ACVR1: variants seen among roughly 807,000 people sequenced by gnomAD.
The protein encoded by ACVR1 is activin receptor type-1.
A neutral mutation model predicts 57.1 loss-of-function variants in ACVR1; 38 were observed. The observed-to-expected ratio is 0.67, with a 90% CI of 0.51 to 0.87. The LOEUF (loss-of-function observed/expected upper bound fraction) is 0.87, where lower values mean the gene tolerates loss of function less well. Ranked by LOEUF, ACVR1 falls within the 40% of genes least tolerant of loss-of-function variation. ACVR1 has a pLI of 0.00. For missense variants in ACVR1, 463 were observed against 638.2 expected (o/e 0.73, Z 2.96); for synonymous variants, 212 against 228.1 (o/e 0.93, Z 0.63).
chr2:157,740,811 G>A (rs1398411061), intron 9 of ACVR1, among the ~76,000 whole-genome samples: 1 of 152,140 alleles, frequency 6.6e-6, no homozygotes, highest in African/African-American at 2.4e-5. Context: ...TTTATTAAAT[G>A]TCCCCATGTT....
chr2:157,837,507 A>T (rs1374464494), intron 1 of ACVR1, among the ~76,000 whole-genome samples: 1 of 152,262 alleles, frequency 6.6e-6, no homozygotes, highest in Non-Finnish European at 1.5e-5. Flanking sequence ...TAAATTTTTT[A>T]ATTTAATTTC....
At chr2:157,817,572 G>A (rs1687985182) in intron 2 of ACVR1, among the ~76,000 whole-genome samples, 1 of 152,172 alleles carries the variant, frequency 6.6e-6, no homozygotes, top group African/African-American at 2.4e-5. Flanking sequence ...ATTGATTGTA[G>A]TACATGTACT....
intron 9 of ACVR1, among the ~76,000 whole-genome samples, chr2:157,745,083 T>C (rs1684917102): frequency 6.6e-6 from 1 of 152,242 alleles, no homozygotes; most frequent in Non-Finnish European, 1.5e-5. Flanking sequence ...AGGAATCTGT[T>C]AAAATTATAA....
At chr2:157,793,430 A>G (rs1314800882) in intron 3 of ACVR1, among the ~76,000 whole-genome samples, 2 of 152,212 alleles carry the variant, frequency 1.3e-5, no homozygotes, top group Admixed American at 6.5e-5. Flanking sequence ...CAGGAAGGAA[A>G]GGCTAAAAGG....
At chr2:157,809,686 G>A (rs548533171) in intron 2 of ACVR1, among the ~76,000 whole-genome samples, 14 of 152,160 alleles carry the variant, frequency 9.2e-5, no homozygotes, top group Non-Finnish European at 1.5e-4. Context: ...ATGAAGTAGG[G>A]AGAAAGAATG....
At chr2:157,770,627 A>G in intron 6 of ACVR1, 113 bp from the exon 7 acceptor site, 1 of 1,067,520 alleles carries the variant, frequency 9.4e-7, no homozygotes, top group Non-Finnish European at 1.4e-6. Context: ...TCCATTGCTT[A>G]CTGGAGAAAC....
chr2:157,808,587 T>C (rs1324402181), intron 2 of ACVR1, among the ~76,000 whole-genome samples: 2 of 152,162 alleles, frequency 1.3e-5, no homozygotes, highest in Admixed American at 6.5e-5. Context: ...AATATCCCAG[T>C]TGGAAGGGAT....
intron 8 of ACVR1, among the ~76,000 whole-genome samples, chr2:157,764,360 T>A (rs1324447832): frequency 6.7e-6 from 1 of 148,334 alleles, no homozygotes; most frequent in African/African-American, 2.6e-5. Flanking sequence ...TATTATTATT[T>A]TTCTTTTTTT....
chr2:157,796,417 G>T (rs1687126567), intron 3 of ACVR1, among the ~76,000 whole-genome samples: 1 of 150,006 alleles, frequency 6.7e-6, no homozygotes, highest in South Asian at 2.1e-4. Context: ...AGCTAGTTGT[G>T]GTGGCACAAG....
chr2:157,867,203 A>C, intron 1 of ACVR1, among the ~76,000 whole-genome samples: 1 of 150,662 alleles, frequency 6.6e-6, no homozygotes. Context: ...CCCAACCCCT[A>C]CCCTCCCTCT....
intron 1 of ACVR1, chr2:157,838,165 G>C (rs2105351953): frequency 6.6e-6 from 1 of 152,240 alleles, no homozygotes; most frequent in East Asian, 1.9e-4. Flanking sequence ...AAGCGAAACA[G>C]ATTTAGAGGG....
intron 9 of ACVR1, among the ~76,000 whole-genome samples, chr2:157,741,596 G>A (rs1213404730): frequency 6.6e-6 from 1 of 150,674 alleles, no homozygotes; most frequent in Non-Finnish European, 1.5e-5. Context: ...CTGCACTATA[G>A]CCTGGTGACA....
chr2:157,823,468 C>T (rs143630685), intron 1 of ACVR1, among the ~76,000 whole-genome samples: 27 of 152,028 alleles, frequency 1.8e-4, no homozygotes, highest in African/African-American at 4.3e-4. Context: ...AGCCGGGGAA[C>T]GAGGGCAGAG....
chr2:157,830,477 C>T (rs879180383), intron 1 of ACVR1, among the ~76,000 whole-genome samples: 1 of 152,122 alleles, frequency 6.6e-6, no homozygotes, highest in Admixed American at 6.5e-5. Context: ...GAACTACCAA[C>T]GTTTCTGATT....
At position 157,736,580 on chromosome 2, in the gene ACVR1, C is replaced by T. The variant is rs1413364678; in HGVS notation, c.*951G>A. On this transcript the variant is annotated 3_prime_UTR_variant, in exon 11 of 11. Transcript: ENST00000434821. ...GATAATTCTGAAGAAAATGCATTTT[C>T]CCCGTAGCGTTCAGGACTAAAATTC... 1 of 295,648 alleles carries T rather than the reference C, an allele frequency of 3.4e-6. No homozygotes were observed. Among genetic ancestry groups the T allele is most frequent in the Non-Finnish European group, 6.2e-6 (1 of 160,794 alleles). 18.3% of individuals were successfully genotyped at this position (295,648 alleles called of 1,614,324 possible).
chr2:157,781,387 C>G (rs1054629997), intron 3 of ACVR1, among the ~76,000 whole-genome samples: 1 of 152,208 alleles, frequency 6.6e-6, no homozygotes, highest in African/African-American at 2.4e-5. Flanking sequence ...GTTTGCAAGG[C>G]TGTACAATCT....
intron 8 of ACVR1, among the ~76,000 whole-genome samples, chr2:157,764,135 G>A (rs764494097): frequency 1.3e-5 from 2 of 151,976 alleles, no homozygotes; most frequent in Admixed American, 6.6e-5. Flanking sequence ...ACCAGAATCC[G>A]GTGAGGTGGG....
intron 5 of ACVR1, 32 bp downstream of exon 5, chr2:157,778,099 T>A: frequency 6.2e-7 from 1 of 1,609,698 alleles, no homozygotes; most frequent in East Asian, 2.2e-5. Context: ...ACCTTCCTTA[T>A]GCTTGGGATT....
chr2:157,851,358 T>G (rs564064693), intron 1 of ACVR1, among the ~76,000 whole-genome samples: 1 of 151,966 alleles, frequency 6.6e-6, no homozygotes. Context: ...AGCTGCATAA[T>G]ACAAGCATGG....
Sources: gnomAD v4.1 joint callset for allele counts (sites outside exome capture counted in the v4.1 genomes callset) on GRCh38, gnomAD v4.1.1 for gene constraint, MANE v1.5 for transcripts, NCBI Gene and HGNC (gene_info 2026-07-23, HGNC 2026-07-21) for gene names.